Variants in PTPRCAP observed in about 807,000 individuals in gnomAD.
PTPRCAP encodes the protein protein tyrosine phosphatase receptor type C associated protein, also known as protein tyrosine phosphatase receptor type C-associated protein.
For missense variants in PTPRCAP, 294 were observed against 285.5 expected, an observed-to-expected ratio of 1.03 and a Z score of -0.22; for synonymous variants, 136 against 135.8, an observed-to-expected ratio of 1.00 and a Z score of -0.01.
chr11:67,436,160 T>C lies in PTPRCAP; in HGVS notation c.194A>G (p.Tyr65Cys), dbSNP rs1218983835. The change falls in exon 2 of 2, where the codon TAC becomes TGC. Residue 65 changes from tyrosine (Y) to cysteine (C), a missense_variant. Transcript: ENST00000326294. Reference protein sequence around the residue: ...RRLSRDSGGYYHPARLGAALW... With the variant: ...RRLSRDSGGYCHPARLGAALW... Reference sequence around the variant, plus strand: ...CGCGGCACCTAGGCGGGCCGGGTGGTAGTAGCCCCCTGAGTCACGGCTGAG... The same window carrying C: ...CGCGGCACCTAGGCGGGCCGGGTGGCAGTAGCCCCCTGAGTCACGGCTGAG... The C allele has an allele frequency of 6.4e-7, 1 of 1,565,620 alleles. No individual in the cohort carries two copies. Among genetic ancestry groups the C allele is most frequent in the Non-Finnish European group, 8.7e-7 (1 of 1,155,500 alleles).
rs1356728253 is a variant in PTPRCAP at position 67,435,858 on chromosome 11, G to T, written c.496C>A (p.Pro166Thr). 6 of 1,610,482 alleles carry T rather than the reference G, an allele frequency of 3.7e-6. No individual in the cohort carries two copies. The highest frequency in any genetic ancestry group is 1.7e-5 in the Admixed American group (1 of 59,934). ...EGDLVLGSPG[P>T]ASAGGSAEAL... ...TCAGCACTGCCCCCTGCGCTCGCTG[G>T]TCCTGGGGAGCCGAGGACCAGGTCG... Residue 166 changes from proline to threonine, a missense_variant, in exon 2 of 2, where the codon CCA becomes ACA. Pro to Thr is a conservative substitution (Grantham distance 38). Coordinates refer to ENST00000326294, the MANE Select transcript of PTPRCAP (RefSeq NM_005608.3).
intron 1 of PTPRCAP, chr11:67,437,261 C>G (rs1024263529): frequency 4.1e-6 from 1 of 242,022 alleles, no homozygotes; most frequent in African/African-American, 2.2e-5. Context: ...TCGGAACAGG[C>G]TAGGTGGGGG....
In PTPRCAP at chr11:67,437,658, G is replaced by A; in HGVS notation, c.-39C>T. 4.4e-6 allele frequency: 6 copies of A among 1,357,664 alleles called. No individual in the cohort carries two copies. Among genetic ancestry groups the A allele is most frequent in the Non-Finnish European group, 5.7e-6 (6 of 1,046,176 alleles). 84.1% of individuals were successfully genotyped at this position (1,357,664 alleles called of 1,614,324 possible). A position where few individuals can be genotyped will look rare whatever the true frequency, so the allele number is the denominator to read the frequency against. On this transcript the variant is annotated 5_prime_UTR_variant, in exon 1 of 2. Coordinates refer to ENST00000326294, the MANE Select transcript of PTPRCAP (RefSeq NM_005608.3). Reference sequence around the variant, plus strand: ...CCTCCGTGCCGGGCACCCACCTCCAGCTCTGGCTGTGTCGAGCGAGAAGTG... The same window carrying A: ...CCTCCGTGCCGGGCACCCACCTCCAACTCTGGCTGTGTCGAGCGAGAAGTG...
chr11:67,436,395 G>A (rs1864280648), intron 1 of PTPRCAP, 45 bp from the exon 2 acceptor site: 1 of 1,426,146 alleles, frequency 7.0e-7, no homozygotes, highest in South Asian at 1.5e-5. Flanking sequence ...CACCTGGGGT[G>A]GGGCCTGGTG....
intron 1 of PTPRCAP, chr11:67,436,853 C>T (rs370377647): frequency 6.5e-6 from 1 of 154,906 alleles, no homozygotes; most frequent in African/African-American, 2.4e-5. Flanking sequence ...ATCTACCCCC[C>T]ACAATAAGCT....
Position 67,436,120 on chromosome 11 carries a change from C to T in PTPRCAP, c.234G>A (p.Thr78=), listed in dbSNP as rs748341544. The change falls in exon 2 of 2, where the codon ACG becomes ACA. Residue 78 remains threonine, a synonymous_variant. Coordinates refer to ENST00000326294, the MANE Select transcript of PTPRCAP (RefSeq NM_005608.3). Reference sequence around the variant, plus strand: ...GGGGGCTGGCCCAGAGCAGGCGCCGCGTGCGGCCCCACAGCGCGGCACCTA... The same window carrying T: ...GGGGGCTGGCCCAGAGCAGGCGCCGTGTGCGGCCCCACAGCGCGGCACCTA... ...ARLGAALWGR[T]RRLLWASPPG... is the part of the protein sequence containing the mutation. 67 of 1,596,184 alleles carry T rather than the reference C, an allele frequency of 4.2e-5. No individual in the cohort carries two copies. The South Asian group carries it at 5.7e-4, about 14-fold the overall frequency.
In PTPRCAP at chr11:67,436,136, G is replaced by A. The variant is rs181128860; in HGVS notation, c.218C>T (p.Ala73Val). 5.7e-5 allele frequency: 90 copies of A among 1,582,706 alleles called. No individual in the cohort carries two copies. Among genetic ancestry groups the A allele is most frequent in the Admixed American group, 2.2e-4 (12 of 55,204 alleles). The change falls in exon 2 of 2, where the codon GCG (alanine) becomes GTG (valine). Residue 73 changes from alanine to valine, a missense_variant. Coordinates refer to ENST00000326294, the MANE Select transcript of PTPRCAP (RefSeq NM_005608.3). ...CAGGCGCCGCGTGCGGCCCCACAGC[G>A]CGGCACCTAGGCGGGCCGGGTGGTA... is the stretch of plus-strand genomic sequence containing the variant. ...GYYHPARLGA[A>V]LWGRTRRLLW...
Position 67,435,608 on chromosome 11 carries a change from G to T in PTPRCAP, c.*125C>A. On this transcript the variant is annotated 3_prime_UTR_variant, in exon 2 of 2. Coordinates refer to ENST00000326294, the MANE Select transcript of PTPRCAP (RefSeq NM_005608.3). ...CGGGGTACACATGGACTTGGGAACT[G>T]GTAGGGGGTGACAGTCTGAGGCATG... 7.1e-7 allele frequency: 1 copy of T among 1,408,332 alleles called. No individual in the cohort carries two copies. The allele number at this position is 1,408,332 out of a possible 1,614,324, so 87.2% of individuals were successfully genotyped here.
chr11:67,435,948 C>T lies in PTPRCAP; in HGVS notation c.406G>A (p.Glu136Lys). 6.2e-7 allele frequency: 1 copy of T among 1,613,572 alleles called. No homozygotes were observed. Among genetic ancestry groups the T allele is most frequent in the Non-Finnish European group, 8.5e-7 (1 of 1,179,892 alleles). The change falls in exon 2 of 2, where the codon GAG (glutamate) becomes AAG (lysine). Residue 136 changes from glutamate (E) to lysine (K), a missense_variant. Transcript: ENST00000326294. ...GGGACCTGCTCTGGGCTGGACGCCT[C>T]TCCACATTGCTGCTCGCCTTCCCCA... is the stretch of plus-strand genomic sequence containing the variant. ...DPGEGEQQCG[E>K]ASSPEQVPVR...
rs1457659443 is a variant in PTPRCAP, at chr11:67,435,576, T to G, written c.*157A>C. The G allele has an allele frequency of 3.5e-6, 4 of 1,151,208 alleles. 1 individual carries two copies. Among genetic ancestry groups the G allele is most frequent in the Non-Finnish European group, 4.7e-6 (4 of 842,922 alleles). 71.3% of individuals were successfully genotyped at this position (1,151,208 alleles called of 1,614,324 possible). A position where few individuals can be genotyped will look rare whatever the true frequency, so the allele number is the denominator to read the frequency against. On this transcript the variant is annotated 3_prime_UTR_variant, in exon 2 of 2. Transcript: ENST00000326294. ...CTGTGGTTGGGGGGGGCCGTTCCCG[T>G]GGTGAGCGGGGTACACATGGACTTG...
At position 67,435,880 on chromosome 11, in the gene PTPRCAP, G is replaced by C; in HGVS notation, c.474C>G (p.Asp158Glu). 2.5e-6 allele frequency: 4 copies of C among 1,611,588 alleles called. No individual in the cohort carries two copies. The highest frequency in any genetic ancestry group is 3.4e-6 in the Non-Finnish European group (4 of 1,179,542). ...CTGGTCCTGGGGAGCCGAGGACCAG[G>C]TCGCCCTCCGTGTCACTGTCTCTGG... ...EEARDSDTEG[D>E]LVLGSPGPAS... Residue 158 changes from aspartate to glutamate, a missense_variant, in exon 2 of 2, where the codon GAC (aspartate) becomes GAG (glutamate). Asp to Glu is a conservative substitution (Grantham distance 45, BLOSUM62 2). Coordinates refer to ENST00000326294, the MANE Select transcript of PTPRCAP (RefSeq NM_005608.3).
chr11:67,435,964 G>C lies in PTPRCAP; in HGVS notation c.390C>G (p.Gly130=), dbSNP rs747969831. Residue 130 remains glycine (G), a synonymous_variant, in exon 2 of 2, where the codon GGC becomes GGG. Coordinates refer to ENST00000326294, the MANE Select transcript of PTPRCAP (RefSeq NM_005608.3). The stretch of plus-strand genomic sequence containing the variant: ...TGGACGCCTCTCCACATTGCTGCTC[G>C]CCTTCCCCAGGGTCAGCCTGCAGGC... ...DGGLQADPGE[G]EQQCGEASSP... 1 of 1,613,498 alleles carries C rather than the reference G, an allele frequency of 6.2e-7. No individual in the cohort carries two copies. The highest frequency in any genetic ancestry group is 1.1e-5 in the South Asian group (1 of 91,090).
rs531426698 is a variant in PTPRCAP at position 67,436,047 on chromosome 11, C to T, written c.307G>A (p.Asp103Asn). The change falls in exon 2 of 2, where the codon GAC (aspartate) becomes AAC (asparagine). Residue 103 changes from aspartate to asparagine, a missense_variant. Physicochemically the swap from Asp to Asn is conservative, Grantham distance 23. Transcript: ENST00000326294. ...ARAELGSTDN[D>N]LERQEDEQDT... ...TGCTCATCCTCCTGTCGCTCAAGGT[C>T]ATTGTCTGTGGACCCCAGCTCAGCT... 6.2e-7 allele frequency: 1 copy of T among 1,613,506 alleles called. No homozygotes were observed. Among genetic ancestry groups the T allele is most frequent in the African/African-American group, 1.3e-5 (1 of 75,040 alleles).
Position 67,435,972 on chromosome 11 carries a change from C to T in PTPRCAP, c.382G>A (p.Gly128Arg), listed in dbSNP as rs201375107. ...VADGGLQADP[G>R]EGEQQCGEAS... Reference sequence around the variant, plus strand: ...TCTCCACATTGCTGCTCGCCTTCCCCAGGGTCAGCCTGCAGGCCACCATCC... The same window carrying T: ...TCTCCACATTGCTGCTCGCCTTCCCTAGGGTCAGCCTGCAGGCCACCATCC... Residue 128 changes from glycine (G) to arginine (R), a missense_variant, in exon 2 of 2, where the codon GGG (glycine) becomes AGG (arginine). Physicochemically the swap from Gly to Arg is moderately radical, Grantham distance 125. Coordinates refer to ENST00000326294, the MANE Select transcript of PTPRCAP (RefSeq NM_005608.3). The T allele has an allele frequency of 7.6e-5, 123 of 1,613,724 alleles. No individual in the cohort carries two copies. The African/African-American group carries it at 1.5e-3, about 19-fold the overall frequency.
In PTPRCAP at chr11:67,437,599, G is replaced by A; in HGVS notation, c.3+18C>T. On this transcript the variant is annotated intron_variant, in intron 1 of 1. Transcript: ENST00000326294. The stretch of plus-strand genomic sequence containing the variant: ...CTGTGGCCCCCATCCCAAGAACCCG[G>A]GGGGCTCCGAGGCTTACCATTGGTC... 1 of 1,352,288 alleles carries A rather than the reference G, an allele frequency of 7.4e-7. No individual in the cohort carries two copies. The highest frequency in any genetic ancestry group is 9.6e-7 in the Non-Finnish European group (1 of 1,043,312). The allele number at this position is 1,352,288 out of a possible 1,614,324, so 83.8% of individuals were successfully genotyped here. A position where few individuals can be genotyped will look rare whatever the true frequency, so the allele number is the denominator to read the frequency against.
At position 67,436,118 on chromosome 11, in the gene PTPRCAP, C is replaced by T. The variant is rs369038949; in HGVS notation, c.236G>A (p.Arg79Gln). Residue 79 changes from arginine (R) to glutamine (Q), a missense_variant, in exon 2 of 2, where the codon CGG (arginine) becomes CAG (glutamine). Physicochemically the swap from Arg to Gln is conservative, Grantham distance 43. Transcript: ENST00000326294. Reference sequence around the variant, plus strand: ...TGGGGGGCTGGCCCAGAGCAGGCGCCGCGTGCGGCCCCACAGCGCGGCACC... The same window carrying T: ...TGGGGGGCTGGCCCAGAGCAGGCGCTGCGTGCGGCCCCACAGCGCGGCACC... ...RLGAALWGRT[R>Q]RLLWASPPGR... 3.7e-5 allele frequency: 59 copies of T among 1,597,166 alleles called. No individual in the cohort carries two copies. The highest frequency in any genetic ancestry group is 1.1e-4 in the East Asian group (5 of 44,258).
intron 1 of PTPRCAP, chr11:67,437,242 A>C: frequency 2.5e-5 from 5 of 199,012 alleles, no homozygotes; most frequent in East Asian, 1.1e-4. Context: ...TGCCAGAGGA[A>C]GTCTGCGGTC....
Position 67,436,056 on chromosome 11 carries a change from T to C in PTPRCAP, c.298A>G (p.Thr100Ala), listed in dbSNP as rs749370629. 5.0e-6 allele frequency: 8 copies of C among 1,613,258 alleles called. No homozygotes were observed. The highest frequency in any genetic ancestry group is 1.7e-5 in the Admixed American group (1 of 59,982). ...TCCTGTCGCTCAAGGTCATTGTCTG[T>C]GGACCCCAGCTCAGCTCGGGCCTGC... The part of the protein sequence containing the change: ...WLQARAELGS[T>A]DNDLERQEDE... Residue 100 changes from threonine (T) to alanine (A), a missense_variant, in exon 2 of 2, where the codon ACA becomes GCA. Transcript: ENST00000326294.
Position 67,435,816 on chromosome 11 carries a change from G to C in PTPRCAP, c.538C>G (p.Leu180Val), listed in dbSNP as rs377555679. 1 of 1,603,742 alleles carries C rather than the reference G, an allele frequency of 6.2e-7. No individual in the cohort carries two copies. The highest frequency in any genetic ancestry group is 8.5e-7 in the Non-Finnish European group (1 of 1,176,454). ...GCTGCGCTGCCAGCAAAGGCGTGCA[G>C]GTCACTCAGCAGGGCCTCAGCACTG... ...GGSAEALLSDLHAFAGSAAWD... is the reference protein window; with the variant it reads ...GGSAEALLSDVHAFAGSAAWD... The change falls in exon 2 of 2, where the codon CTG becomes GTG. Residue 180 changes from leucine to valine, a missense_variant. Physicochemically the swap from Leu to Val is conservative, Grantham distance 32. Coordinates refer to ENST00000326294, the MANE Select transcript of PTPRCAP (RefSeq NM_005608.3).
Sources: gnomAD v4.1 joint callset for allele counts on GRCh38, gnomAD v4.1.1 for gene constraint, MANE v1.5 for transcripts, NCBI Gene and HGNC (gene_info 2026-07-23, HGNC 2026-07-21) for gene names.